Variants in PPP6C observed in about 807,000 individuals in gnomAD.
PPP6C encodes the protein serine/threonine-protein phosphatase 6 catalytic subunit.
PPP6C carries 11 observed loss-of-function variants against 39.8 expected under a neutral mutation model. The observed-to-expected ratio is 0.28, with a 90% CI of 0.17 to 0.46. The LOEUF (loss-of-function observed/expected upper bound fraction) is 0.46. Ranked by LOEUF, PPP6C falls within the 20% of genes least tolerant of loss-of-function variation. The pLI is 1.00. For synonymous variants in PPP6C, 129 were observed against 130.3 expected (o/e 0.99, Z 0.07); for missense variants, 211 against 373.9 (o/e 0.56, Z 3.59).
intron 3 of PPP6C, among the ~76,000 whole-genome samples, chr9:125,159,974 C>T (rs531858275): frequency 7.9e-5 from 12 of 151,840 alleles, no homozygotes; most frequent in South Asian, 2.1e-4. Flanking sequence ...GTAAGCCAAT[C>T]GCACCACTGC....
In PPP6C at chr9:125,148,114, A is replaced by T. The variant is rs1835852338; in HGVS notation, c.*1559T>A. 1.1e-5 allele frequency: 2 copies of T among 186,166 alleles called. No individual in the cohort carries two copies. The highest frequency in any genetic ancestry group is 2.9e-4 in the South Asian group (2 of 7,002). 11.5% of individuals were successfully genotyped at this position (186,166 alleles called of 1,614,324 possible). On this transcript the variant is annotated 3_prime_UTR_variant, in exon 7 of 7. Coordinates refer to ENST00000373547, the MANE Select transcript of PPP6C (RefSeq NM_002721.5). ...CAAAACAGTATTGTGCTCAATTAAT[A>T]AAAGAAAACCCTGATGAAAAATTAT... is the stretch of plus-strand genomic sequence containing the variant.
At chr9:125,152,520 T>A (rs1564145519) in intron 6 of PPP6C, among the ~76,000 whole-genome samples, 1 of 152,184 alleles carries the variant, frequency 6.6e-6, no homozygotes, top group East Asian at 1.9e-4. Flanking sequence ...CAGAGATTTC[T>A]GTTAAAAAGA....
intron 1 of PPP6C, among the ~76,000 whole-genome samples, chr9:125,185,314 G>A (rs58927411): frequency 2.0e-5 from 3 of 150,030 alleles, no homozygotes; most frequent in Admixed American, 6.7e-5. Flanking sequence ...GCATGATCTC[G>A]GCTCACTGCA....
At chr9:125,178,817 G>T (rs1363060419) in intron 1 of PPP6C, among the ~76,000 whole-genome samples, 1 of 152,182 alleles carries the variant, frequency 6.6e-6, no homozygotes. Flanking sequence ...TCTACTGGTG[G>T]TGAAAGTGTA....
chr9:125,181,996 T>C (rs1829431061), intron 1 of PPP6C, among the ~76,000 whole-genome samples: 1 of 152,378 alleles, frequency 6.6e-6, no homozygotes, highest in Non-Finnish European at 1.5e-5. Flanking sequence ...ATTGCCATTC[T>C]AACTGGCGTG....
chr9:125,156,162 A>C (rs1836068043), intron 4 of PPP6C, among the ~76,000 whole-genome samples: 1 of 152,188 alleles, frequency 6.6e-6, no homozygotes, highest in Admixed American at 6.6e-5. Flanking sequence ...TAGAAAGGAG[A>C]TAAATATTAC....
intron 1 of PPP6C, among the ~76,000 whole-genome samples, chr9:125,181,858 G>C (rs929414173): frequency 2.0e-5 from 3 of 152,184 alleles, no homozygotes; most frequent in East Asian, 1.9e-4. Flanking sequence ...TCTAGTTCTA[G>C]ATCCTTGAGG....
At chr9:125,153,433 G>C in intron 6 of PPP6C, 100 bp downstream of exon 6, 1 of 1,086,782 alleles carries the variant, frequency 9.2e-7, no homozygotes, top group Non-Finnish European at 1.3e-6. Flanking sequence ...ACCATATTTT[G>C]AGTAAGCTAG....
chr9:125,162,451 CTG>C (rs1359165286), intron 2 of PPP6C, among the ~76,000 whole-genome samples: 51 of 90,790 alleles, frequency 5.6e-4, no homozygotes, highest in African/African-American at 2.3e-3. Context: ...GAGCAAGATT[CTG>C]TCTCAAAAAA....
chr9:125,151,311 G>A, intron 6 of PPP6C: 1 of 1,473,466 alleles, frequency 6.8e-7, no homozygotes, highest in Non-Finnish European at 9.5e-7. Flanking sequence ...GTTGACACTT[G>A]TGGCACAATC....
At chr9:125,150,194 G>A (rs1314187039) in intron 6 of PPP6C, among the ~76,000 whole-genome samples, 1 of 152,086 alleles carries the variant, frequency 6.6e-6, no homozygotes, top group Non-Finnish European at 1.5e-5. Flanking sequence ...AAAATTTTGT[G>A]TTTTCTGATT....
intron 4 of PPP6C, among the ~76,000 whole-genome samples, chr9:125,155,763 G>C (rs554839070): frequency 6.6e-6 from 1 of 152,052 alleles, no homozygotes; most frequent in East Asian, 1.9e-4. Flanking sequence ...AAATTAGCCG[G>C]GCATGGTGGC....
chr9:125,175,498 C>T (rs1437951052), intron 1 of PPP6C, among the ~76,000 whole-genome samples: 6 of 151,584 alleles, frequency 4.0e-5, no homozygotes, highest in African/African-American at 1.5e-4. Flanking sequence ...AAAAAATTAG[C>T]GGGGCATGGT....
intron 4 of PPP6C, among the ~76,000 whole-genome samples, chr9:125,157,476 CATT>C (rs752586397): frequency 6.6e-6 from 1 of 152,070 alleles, no homozygotes; most frequent in Admixed American, 6.6e-5. Context: ...ATGAAAATAA[CATT>C]AATAAAGTGA....
At chr9:125,173,511 G>A (rs959948763) in intron 1 of PPP6C, among the ~76,000 whole-genome samples, 4 of 151,296 alleles carry the variant, frequency 2.6e-5, no homozygotes, top group African/African-American at 9.7e-5. Context: ...CCAGGAGACA[G>A]AGGTTGCCGA....
chr9:125,170,918 C>T (rs1293098854), intron 2 of PPP6C, among the ~76,000 whole-genome samples, 167 bp downstream of exon 2: 1 of 152,176 alleles, frequency 6.6e-6, no homozygotes, highest in Non-Finnish European at 1.5e-5. Flanking sequence ...CTTTTATTCA[C>T]CAAAAATGTA....
intron 2 of PPP6C, among the ~76,000 whole-genome samples, chr9:125,165,648 G>A (rs1412694435): frequency 6.6e-6 from 1 of 152,124 alleles, no homozygotes; most frequent in Non-Finnish European, 1.5e-5. Context: ...AAGATATGCA[G>A]TTACAAAAGG....
rs1388328520 is a variant in PPP6C, at chr9:125,149,352, T to TTA, written c.*320_*321insTA. Reference sequence around the variant, plus strand: ...TAGGTGTAATCTGTCAATTGGCTTTTAAAAAAAGGAAACACATCCTGTTTC... The same window carrying TTA: ...TAGGTGTAATCTGTCAATTGGCTTTTTAAAAAAAAGGAAACACATCCTGTTTC... On this transcript the variant is annotated 3_prime_UTR_variant, in exon 7 of 7. Coordinates refer to ENST00000373547, the MANE Select transcript of PPP6C (RefSeq NM_002721.5). The TTA allele has an allele frequency of 4.6e-6, 1 of 215,662 alleles. No homozygotes were observed. The highest frequency in any genetic ancestry group is 2.3e-5 in the African/African-American group (1 of 43,632). 13.4% of individuals were successfully genotyped at this position (215,662 alleles called of 1,614,324 possible).
intron 3 of PPP6C, among the ~76,000 whole-genome samples, chr9:125,160,302 T>C (rs1159422444): frequency 1.3e-5 from 2 of 152,298 alleles, no homozygotes; most frequent in East Asian, 3.9e-4. Flanking sequence ...AACCCAACCC[T>C]ATCTACAGTG....
Sources: allele counts gnomAD v4.1 joint callset (sites outside exome capture counted in the v4.1 genomes callset), GRCh38; gene constraint gnomAD v4.1.1; transcripts MANE v1.5; gene names NCBI Gene and HGNC (gene_info 2026-07-23, HGNC 2026-07-21).